FAM13A: variants seen among roughly 807,000 people sequenced by gnomAD.
FAM13A encodes the protein protein FAM13A.
In FAM13A, 76 loss-of-function variants were observed where a neutral mutation model predicts 129.6. That is an observed-to-expected ratio of 0.59 (90% CI 0.49 to 0.71). The LOEUF (loss-of-function observed/expected upper bound fraction) is 0.71, where lower values mean the gene tolerates loss of function less well. Among genes scored for constraint, FAM13A ranks in the 30% least tolerant of loss-of-function variants. The probability of loss-of-function intolerance (pLI) is 0.00; values close to 1 mark genes in which losing one functional copy is unlikely to be tolerated. For missense variants in FAM13A, 1,108 were observed against 1,249.3 expected, an observed-to-expected ratio of 0.89 and a Z score of 1.70; for synonymous variants, 443 against 449.9, an observed-to-expected ratio of 0.98 and a Z score of 0.20.
intron 11 of FAM13A, among the ~76,000 whole-genome samples, chr4:88,775,498 G>A (rs1430543197): frequency 6.6e-6 from 1 of 152,084 alleles, no homozygotes; most frequent in East Asian, 1.9e-4. Context: ...GAGGCCAGAA[G>A]TGTGAGACCA....
chr4:88,803,707 G>A (rs1267740589), intron 8 of FAM13A, among the ~76,000 whole-genome samples: 2 of 152,102 alleles, frequency 1.3e-5, no homozygotes, highest in Non-Finnish European at 2.9e-5. Context: ...AATGGACCAC[G>A]TTGTCTCATA....
At chr4:88,916,105 T>G (rs1450984813) in intron 5 of FAM13A, among the ~76,000 whole-genome samples, 1 of 152,214 alleles carries the variant, frequency 6.6e-6, no homozygotes, top group African/African-American at 2.4e-5. Flanking sequence ...AACTATGTGA[T>G]GCCCTGTACC....
intron 3 of FAM13A, among the ~76,000 whole-genome samples, chr4:89,011,054 G>A (rs1314314575): frequency 6.6e-6 from 1 of 151,990 alleles, no homozygotes; most frequent in Non-Finnish European, 1.5e-5. Context: ...CCTCATGTTG[G>A]CCAGGCTGCC....
intron 19 of FAM13A, among the ~76,000 whole-genome samples, chr4:88,745,756 CCAAA>C (rs1741180549): frequency 6.6e-6 from 1 of 152,098 alleles, no homozygotes; most frequent in Non-Finnish European, 1.5e-5. Context: ...AAAAAAAATC[CCAAA>C]CAAAGCTTGG....
intron 2 of FAM13A, among the ~76,000 whole-genome samples, chr4:89,027,328 C>T (rs1768093811): frequency 1.3e-5 from 2 of 152,010 alleles, no homozygotes; most frequent in African/African-American, 2.4e-5. Flanking sequence ...GACAACATGG[C>T]GAGACCTGCC....
intron 5 of FAM13A, among the ~76,000 whole-genome samples, chr4:88,919,228 A>G (rs555491408): frequency 4.6e-5 from 7 of 152,370 alleles, no homozygotes; most frequent in African/African-American, 1.7e-4. Flanking sequence ...GCAGATGTAT[A>G]AGACAGTCAC....
chr4:89,000,824 C>T (rs1764157439), intron 3 of FAM13A, among the ~76,000 whole-genome samples: 1 of 152,190 alleles, frequency 6.6e-6, no homozygotes, highest in African/African-American at 2.4e-5. Context: ...ATGAGTGTAC[C>T]TACTTCTCCT....
chr4:88,985,760 A>T (rs1762148140), intron 4 of FAM13A, among the ~76,000 whole-genome samples: 2 of 151,956 alleles, frequency 1.3e-5, no homozygotes, highest in South Asian at 4.2e-4. Flanking sequence ...ACAGTAAAAG[A>T]TGGGAAACAA....
chr4:88,922,673 C>T (rs1751332485), intron 5 of FAM13A, among the ~76,000 whole-genome samples: 1 of 152,034 alleles, frequency 6.6e-6, no homozygotes, highest in South Asian at 2.1e-4. Context: ...CATTCAAAAG[C>T]TAGCAGAAGG....
At chr4:89,054,418 G>A (rs1290639963) in intron 1 of FAM13A, among the ~76,000 whole-genome samples, 1 of 152,086 alleles carries the variant, frequency 6.6e-6, no homozygotes, top group East Asian at 1.9e-4. Context: ...GTATAAGTAT[G>A]TAAGTCCTAA....
intron 10 of FAM13A, 96 bp downstream of exon 10, chr4:88,787,656 AC>A (rs1724233506): frequency 9.1e-7 from 1 of 1,103,104 alleles, no homozygotes; most frequent in Non-Finnish European, 1.3e-6. Context: ...ATGGGAGAGG[AC>A]CAGGAGGTAT....
intron 6 of FAM13A, among the ~76,000 whole-genome samples, chr4:88,875,854 C>T (rs1007564621): frequency 3.9e-5 from 6 of 152,062 alleles, no homozygotes; most frequent in Non-Finnish European, 8.8e-5. Flanking sequence ...ATGTTTATTG[C>T]GGCACTATTC....
intron 4 of FAM13A, among the ~76,000 whole-genome samples, chr4:88,941,281 A>G (rs1243724830): frequency 2.6e-5 from 4 of 152,222 alleles, no homozygotes; most frequent in African/African-American, 4.8e-5. Context: ...TGAATAGCGA[A>G]GTTTCCTGTT....
At chr4:88,818,989 G>A (rs1489642431) in intron 7 of FAM13A, among the ~76,000 whole-genome samples, 1 of 152,164 alleles carries the variant, frequency 6.6e-6, no homozygotes, top group Non-Finnish European at 1.5e-5. Flanking sequence ...TGCTTAGGAA[G>A]AACTGATGAA....
intron 3 of FAM13A, among the ~76,000 whole-genome samples, chr4:89,006,794 T>G (rs975337763): frequency 1.3e-5 from 2 of 152,130 alleles, no homozygotes; most frequent in African/African-American, 4.8e-5. Flanking sequence ...GAAGGAGAGC[T>G]AGACAGGGGA....
At chr4:88,926,282 A>C (rs1233951658) in intron 5 of FAM13A, among the ~76,000 whole-genome samples, 1 of 152,142 alleles carries the variant, frequency 6.6e-6, no homozygotes, top group African/African-American at 2.4e-5. Context: ...CAGAAGTATA[A>C]CTTTCATCCT....
chr4:89,023,010 C>G (rs1315388451), intron 2 of FAM13A, among the ~76,000 whole-genome samples: 2 of 152,174 alleles, frequency 1.3e-5, no homozygotes, highest in Admixed American at 6.5e-5. Flanking sequence ...ACAGAGGACA[C>G]AACTAAGATG....
intron 6 of FAM13A, among the ~76,000 whole-genome samples, chr4:88,896,189 A>G (rs1202669659): frequency 2.6e-5 from 4 of 151,172 alleles, no homozygotes; most frequent in Non-Finnish European, 5.9e-5. Context: ...CAAACACCGC[A>G]TATTCTCACT....
At chr4:89,030,490 C>T (rs1466765594) in intron 1 of FAM13A, among the ~76,000 whole-genome samples, 1 of 152,006 alleles carries the variant, frequency 6.6e-6, no homozygotes, top group African/African-American at 2.4e-5. Flanking sequence ...TGCGAACGGT[C>T]TTATTTGGGG....
Sources: gnomAD v4.1 joint callset for allele counts (sites outside exome capture counted in the v4.1 genomes callset) on GRCh38, gnomAD v4.1.1 for gene constraint, MANE v1.5 for transcripts, NCBI Gene and HGNC (gene_info 2026-07-23, HGNC 2026-07-21) for gene names.